Variants in KCNJ6 observed in about 807,000 individuals in gnomAD.
KCNJ6 encodes the protein G protein-activated inward rectifier potassium channel 2.
KCNJ6 carries 9 observed loss-of-function variants against 34.2 expected under a neutral mutation model. The observed-to-expected ratio is 0.26, with a 90% confidence interval of 0.16 to 0.46. The LOEUF (loss-of-function observed/expected upper bound fraction) is 0.46. KCNJ6 is among the 20% of genes least tolerant of loss of function. The pLI is 1.00. For synonymous variants in KCNJ6, 196 were observed against 207.1 expected, an observed-to-expected ratio of 0.95 and a Z score of 0.46; for missense variants, 236 against 531.3, an observed-to-expected ratio of 0.44 and a Z score of 5.46.
rs1021753800 is a variant in KCNJ6, at chr21:37,619,619, C to G, written c.*5540G>C. On this transcript the variant is annotated 3_prime_UTR_variant, in exon 4 of 4. Transcript: ENST00000609713. ...TAAACTGTAGGCTAGAGAAAACTAG[C>G]AAGAAAACAGAGGGAGACATCTGGG... 2 of 152,206 alleles carry G rather than the reference C, an allele frequency of 1.3e-5. No individual in the cohort carries two copies. Among genetic ancestry groups the G allele is most frequent in the African/African-American group, 4.8e-5 (2 of 41,434 alleles). 9.4% of individuals were successfully genotyped at this position (152,206 alleles called of 1,614,324 possible).
chr21:37,704,230 T>C (rs2123440314), intron 3 of KCNJ6, among the ~76,000 whole-genome samples: 1 of 129,032 alleles, frequency 7.8e-6, no homozygotes, highest in African/African-American at 2.6e-5. Flanking sequence ...TCACGAATCC[T>C]TAACATCATC....
chr21:37,686,328 C>A (rs763422288), intron 3 of KCNJ6, among the ~76,000 whole-genome samples: 14 of 152,052 alleles, frequency 9.2e-5, no homozygotes, highest in Non-Finnish European at 1.9e-4. Context: ...CTCATCACTC[C>A]AGTCCAACTG....
intron 2 of KCNJ6, among the ~76,000 whole-genome samples, chr21:37,766,726 G>A (rs548469882): frequency 8.5e-5 from 13 of 152,274 alleles, no homozygotes; most frequent in African/African-American, 2.4e-4. Context: ...CAAACCGTGG[G>A]CCATGAACCA....
intron 3 of KCNJ6, among the ~76,000 whole-genome samples, chr21:37,703,855 C>A (rs1485403989): frequency 2.0e-5 from 3 of 152,332 alleles, no homozygotes; most frequent in Admixed American, 2.0e-4. Context: ...AGTACCCACA[C>A]TGAGCCTCTT....
At chr21:37,743,407 T>C (rs541477155) in intron 2 of KCNJ6, among the ~76,000 whole-genome samples, 1 of 152,280 alleles carries the variant, frequency 6.6e-6, no homozygotes, top group South Asian at 2.1e-4. Context: ...GTACCTGCCA[T>C]GGTTTGAATG....
In KCNJ6 at chr21:37,821,276, T is replaced by C. The variant is rs558513700; in HGVS notation, c.25+19382A>G. Among the ~76,000 whole-genome samples the C allele has an allele frequency of 8.5e-5, 13 of 152,332 alleles. No individual in the cohort carries two copies. The East Asian group carries it at 1.3e-3, about 16-fold the overall frequency. ...AAACGTTACCTACATTGTTGCACAA[T>C]GCTGTATAACCACTACCTCCATCTA... On this transcript the variant is annotated intron_variant, in intron 2 of 3. Coordinates refer to ENST00000609713, the MANE Select transcript of KCNJ6 (RefSeq NM_002240.5).
chr21:37,778,223 T>C (rs1417242425), intron 2 of KCNJ6, among the ~76,000 whole-genome samples: 4 of 152,176 alleles, frequency 2.6e-5, no homozygotes, highest in Non-Finnish European at 4.4e-5. Flanking sequence ...CTCAGTCAGT[T>C]CTTACCATGT....
rs113587330 is a variant in KCNJ6 at position 37,731,100 on chromosome 21, A to AGTGTGTGTGTGT, written c.26-15981_26-15970dup. Among the ~76,000 whole-genome samples, 1,155 of 134,762 alleles carry AGTGTGTGTGTGT rather than the reference A, an allele frequency of 8.6e-3. 17 individuals are homozygous for AGTGTGTGTGTGT. Among genetic ancestry groups the AGTGTGTGTGTGT allele is most frequent in the African/African-American group, 0.025 (1,005 of 39,776 alleles). The allele number at this position is 134,762 out of a possible 152,430, so 88.4% of individuals were successfully genotyped here. A position where few individuals can be genotyped will look rare whatever the true frequency, so the allele number is the denominator to read the frequency against. Reference sequence around the variant, plus strand: ...TCTGCCATTGCAGATAGATGAGAGAAGTGTGTGTGTGTGTGTGTGTGTGTG... The same window carrying AGTGTGTGTGTGT: ...TCTGCCATTGCAGATAGATGAGAGAAGTGTGTGTGTGTGTGTGTGTGTGTGTGTGTGTGTGTG... On this transcript the variant is annotated intron_variant, in intron 2 of 3. Transcript: ENST00000609713.
chr21:37,676,056 A>G (rs1223728747), intron 3 of KCNJ6, among the ~76,000 whole-genome samples: 1 of 152,204 alleles, frequency 6.6e-6, no homozygotes, highest in Non-Finnish European at 1.5e-5. Context: ...GGTCCGTGGG[A>G]GATTCGTGGG....
At chr21:37,667,186 T>TAAAAAAAAAAAAAAAAAAA (rs1569441641) in intron 3 of KCNJ6, among the ~76,000 whole-genome samples, 2 of 86,824 alleles carry the variant, frequency 2.3e-5, no homozygotes, top group Non-Finnish European at 4.4e-5. Flanking sequence ...AAAAAAAAAT[T>TAAAAAAAAAAAAAAAAAAA]AAATGAGGCA....
chr21:37,915,326 A>T (rs1008089758), intron 1 of KCNJ6, among the ~76,000 whole-genome samples: 2 of 152,152 alleles, frequency 1.3e-5, no homozygotes, highest in African/African-American at 4.8e-5. Context: ...GTTTTTAGTC[A>T]TGCTAGCACA....
At chr21:37,753,572 T>C (rs1228140477) in intron 2 of KCNJ6, among the ~76,000 whole-genome samples, 1 of 152,202 alleles carries the variant, frequency 6.6e-6, no homozygotes, top group African/African-American at 2.4e-5. Context: ...GCTCTTAGCC[T>C]GGTTCTGCTC....
intron 3 of KCNJ6, among the ~76,000 whole-genome samples, chr21:37,713,683 G>A (rs544729411): frequency 1.3e-5 from 2 of 152,220 alleles, no homozygotes; most frequent in South Asian, 2.1e-4. Flanking sequence ...TATACTTACT[G>A]GGAGCTCAGC....
rs151290690 is a variant in KCNJ6 at position 37,611,871 on chromosome 21, A to G, written c.*13288T>C. On this transcript the variant is annotated 3_prime_UTR_variant, in exon 4 of 4. Transcript: ENST00000609713. ...AAAAAAAAACCTTACAGCTAACATC[A>G]TACTAAATGGCGTGATGGTGAGAAA... is the stretch of plus-strand genomic sequence containing the variant. The G allele has an allele frequency of 1.3e-5, 2 of 152,216 alleles. No individual in the cohort carries two copies. Among genetic ancestry groups the G allele is most frequent in the Admixed American group, 1.3e-4 (2 of 15,296 alleles). The allele number at this position is 152,216 out of a possible 1,614,324, so 9.4% of individuals were successfully genotyped here.
intron 2 of KCNJ6, among the ~76,000 whole-genome samples, chr21:37,747,171 G>A (rs1321541435): frequency 6.6e-6 from 1 of 152,232 alleles, no homozygotes; most frequent in Admixed American, 6.5e-5. Flanking sequence ...AGACACAAGT[G>A]TAGGAAGGAT....
intron 3 of KCNJ6, among the ~76,000 whole-genome samples, chr21:37,673,488 C>T (rs1255206607): frequency 6.6e-6 from 1 of 152,236 alleles, no homozygotes; most frequent in Non-Finnish European, 1.5e-5. Flanking sequence ...ATTTGTCTCT[C>T]AGCTTCAGAA....
intron 3 of KCNJ6, among the ~76,000 whole-genome samples, chr21:37,637,928 C>T (rs2054365144): frequency 6.6e-6 from 1 of 152,222 alleles, no homozygotes; most frequent in East Asian, 1.9e-4. Context: ...ACACCTTGAT[C>T]TTGGACTTTC....
intron 3 of KCNJ6, among the ~76,000 whole-genome samples, chr21:37,669,577 T>TG (rs1556016702): frequency 6.7e-6 from 1 of 149,192 alleles, no homozygotes; most frequent in African/African-American, 2.5e-5. Context: ...TCTGTGTGTG[T>TG]TGTGTGTGTG....
chr21:37,777,861 C>A (rs757776630), intron 2 of KCNJ6, among the ~76,000 whole-genome samples: 1 of 152,148 alleles, frequency 6.6e-6, no homozygotes, highest in Non-Finnish European at 1.5e-5. Context: ...ATCTTAACCT[C>A]ATGGAAGAAA....
Sources: gnomAD v4.1 joint callset for allele counts (sites outside exome capture counted in the v4.1 genomes callset) on GRCh38, gnomAD v4.1.1 for gene constraint, MANE v1.5 for transcripts, NCBI Gene and HGNC (gene_info 2026-07-23, HGNC 2026-07-21) for gene names.